The following LPP variants were observed in gnomAD, a reference collection of about 807,000 sequenced individuals.
The protein encoded by LPP is lipoma-preferred partner.
In LPP, 38 loss-of-function variants were observed where a neutral mutation model predicts 60.4. That is an observed-to-expected ratio of 0.63 (90% CI 0.49 to 0.83). LPP has a LOEUF of 0.83. Among genes scored for constraint, LPP ranks in the 40% least tolerant of loss-of-function variants. The pLI is 0.00. For missense variants in LPP, 902 were observed against 783.6 expected, an observed-to-expected ratio of 1.15 and a Z score of -1.80; for synonymous variants, 328 against 290.8, an observed-to-expected ratio of 1.13 and a Z score of -1.30.
chr3:188,778,813 C>G (rs1738644471), intron 9 of LPP, among the ~76,000 whole-genome samples: 1 of 152,122 alleles, frequency 6.6e-6, no homozygotes. Context: ...GTGACTGCCA[C>G]TAAATTATTT....
Position 188,886,377 on chromosome 3 carries a change from G to GT in LPP, c.*11899dup, listed in dbSNP as rs1770669524. On this transcript the variant is annotated 3_prime_UTR_variant, in exon 12 of 12. Coordinates refer to ENST00000617246, the MANE Select transcript of LPP (RefSeq NM_001375462.1). ...TGAGGCTTGATGAATATTGTGGCCA[G>GT]TGAGTGGAAAATGATTCTTGTCGAA... 5.5e-6 allele frequency: 1 copy of GT among 180,282 alleles called. No homozygotes were observed. The highest frequency in any genetic ancestry group is 1.2e-5 in the Non-Finnish European group (1 of 86,032). The allele number at this position is 180,282 out of a possible 1,614,324, so 11.2% of individuals were successfully genotyped here. A position where few individuals can be genotyped will look rare whatever the true frequency, so the allele number is the denominator to read the frequency against.
chr3:188,691,882 T>G (rs1159446651), intron 7 of LPP, among the ~76,000 whole-genome samples: 1 of 152,204 alleles, frequency 6.6e-6, no homozygotes, highest in Admixed American at 6.5e-5. Context: ...TGTGTGATAG[T>G]GCCTCATATC....
At chr3:188,525,688 G>A (rs1404468598) in intron 6 of LPP, among the ~76,000 whole-genome samples, 8 of 152,176 alleles carry the variant, frequency 5.3e-5, no homozygotes, top group Admixed American at 3.3e-4. Flanking sequence ...ATTTCTAGGA[G>A]TGGGGTTGCT....
intron 1 of LPP, among the ~76,000 whole-genome samples, chr3:188,199,134 A>G (rs1730334873): frequency 6.6e-6 from 1 of 152,130 alleles, no homozygotes; most frequent in African/African-American, 2.4e-5. Context: ...GAATATCTAC[A>G]TGTGGTCTTT....
intron 9 of LPP, among the ~76,000 whole-genome samples, chr3:188,778,883 A>C (rs1204719887): frequency 1.3e-5 from 2 of 152,214 alleles, no homozygotes; most frequent in African/African-American, 2.4e-5. Flanking sequence ...TATCCACCAA[A>C]TAACAATATA....
At chr3:188,658,094 TGAA>T (rs1213200944) in intron 7 of LPP, among the ~76,000 whole-genome samples, 2 of 119,280 alleles carry the variant, frequency 1.7e-5, no homozygotes, top group South Asian at 5.1e-4. Flanking sequence ...TTGAAACATT[TGAA>T]GAAGTGTTCC....
At chr3:188,446,892 T>C (rs977662049) in intron 4 of LPP, among the ~76,000 whole-genome samples, 1 of 152,246 alleles carries the variant, frequency 6.6e-6, no homozygotes, top group Non-Finnish European at 1.5e-5. Flanking sequence ...ATAGAACTTC[T>C]GTTTTTCTCA....
intron 2 of LPP, among the ~76,000 whole-genome samples, chr3:188,255,696 C>T (rs891661380): frequency 6.6e-6 from 1 of 152,142 alleles, no homozygotes; most frequent in African/African-American, 2.4e-5. Context: ...ACTGTGTTTC[C>T]ATGCTGACAC....
chr3:188,448,727 A>C (rs967769534), intron 4 of LPP, among the ~76,000 whole-genome samples: 3 of 152,184 alleles, frequency 2.0e-5, no homozygotes, highest in Non-Finnish European at 4.4e-5. Context: ...TATATGGCAA[A>C]TGGTAGTCCT....
chr3:188,458,282 A>C (rs1348537053), intron 4 of LPP, among the ~76,000 whole-genome samples: 1 of 152,154 alleles, frequency 6.6e-6, no homozygotes, highest in African/African-American at 2.4e-5. Context: ...ACCCACATGA[A>C]ACATTAAATA....
At chr3:188,219,421 A>G (rs1714967025) in intron 1 of LPP, among the ~76,000 whole-genome samples, 1 of 152,112 alleles carries the variant, frequency 6.6e-6, no homozygotes, top group East Asian at 1.9e-4. Flanking sequence ...GTCAGGCTCT[A>G]TGAAATAGGT....
rs11328247 is a variant in LPP at position 188,881,139 on chromosome 3, CAAAA to C, written c.*6676_*6679del. 34 of 72,578 alleles carry C rather than the reference CAAAA, an allele frequency of 4.7e-4. 1 individual carries two copies. The highest frequency in any genetic ancestry group is 1.5e-3 in the East Asian group (5 of 3,366). 4.5% of individuals were successfully genotyped at this position (72,578 alleles called of 1,614,324 possible). A position where few individuals can be genotyped will look rare whatever the true frequency, so the allele number is the denominator to read the frequency against. ...TGGGCGAAAGAGCGAGACTCCGTCT[CAAAA>C]AAAAAAAAAAAAAAATAGGATCATG... On this transcript the variant is annotated 3_prime_UTR_variant, in exon 12 of 12. Transcript: ENST00000617246.
At chr3:188,789,388 G>A (rs1035980292) in intron 9 of LPP, among the ~76,000 whole-genome samples, 1 of 152,204 alleles carries the variant, frequency 6.6e-6, no homozygotes, top group Non-Finnish European at 1.5e-5. Context: ...GGCTGGCCTT[G>A]AGCAGCTGAC....
intron 4 of LPP, among the ~76,000 whole-genome samples, chr3:188,432,888 A>G (rs1176442607): frequency 6.6e-6 from 1 of 152,150 alleles, no homozygotes; most frequent in Admixed American, 6.6e-5. Flanking sequence ...CTCAGTGCGA[A>G]CACACATGCA....
intron 3 of LPP, among the ~76,000 whole-genome samples, chr3:188,369,525 A>G (rs1772369949): frequency 6.6e-6 from 1 of 152,094 alleles, no homozygotes; most frequent in East Asian, 1.9e-4. Context: ...TGTTGTGAGG[A>G]TTAAGTGAGA....
At chr3:188,583,049 T>G (rs62291679) in intron 6 of LPP, among the ~76,000 whole-genome samples, 1 of 152,100 alleles carries the variant, frequency 6.6e-6, no homozygotes, top group African/African-American at 2.4e-5. Flanking sequence ...TGTATTACTT[T>G]CCTGTCTAAT....
At chr3:188,430,444 A>G (rs569035890) in intron 4 of LPP, among the ~76,000 whole-genome samples, 1 of 152,306 alleles carries the variant, frequency 6.6e-6, no homozygotes, top group East Asian at 1.9e-4. Context: ...CATTACAGTT[A>G]CACACCACCA....
At chr3:188,564,002 A>G (rs1227372769) in intron 6 of LPP, among the ~76,000 whole-genome samples, 7 of 151,978 alleles carry the variant, frequency 4.6e-5, no homozygotes, top group Non-Finnish European at 1.0e-4. Context: ...TGTTTACTTA[A>G]AACAGCCACG....
intron 2 of LPP, among the ~76,000 whole-genome samples, chr3:188,284,061 C>T (rs1188571073): frequency 8.5e-5 from 13 of 152,072 alleles, no homozygotes; most frequent in Admixed American, 8.5e-4. Flanking sequence ...AAACTGGTTG[C>T]ACTTCTCTAG....
Sources: gnomAD v4.1 joint callset for allele counts (sites outside exome capture counted in the v4.1 genomes callset) on GRCh38, gnomAD v4.1.1 for gene constraint, MANE v1.5 for transcripts, NCBI Gene and HGNC (gene_info 2026-07-23, HGNC 2026-07-21) for gene names.